The following MN1 variants were observed in gnomAD, a reference collection of about 807,000 sequenced individuals.
MN1 encodes MN1 proto-oncogene, transcriptional regulator.
Under a neutral mutation model 86.9 loss-of-function variants are expected in MN1, and 19 were observed. That is an observed-to-expected ratio of 0.22 (90% CI 0.15 to 0.32). The LOEUF is 0.32. Among genes scored for constraint, MN1 ranks in the 10% least tolerant of loss-of-function variants. MN1 has a pLI of 1.00. For missense variants in MN1, 1,841 were observed against 1,862.0 expected, an observed-to-expected ratio of 0.99 and a Z score of 0.21; for synonymous variants, 928 against 849.6, an observed-to-expected ratio of 1.09 and a Z score of -1.60.
intron 1 of MN1, among the ~76,000 whole-genome samples, chr22:27,789,293 G>A (rs1021816837): frequency 6.6e-6 from 1 of 152,130 alleles, no homozygotes; most frequent in Non-Finnish European, 1.5e-5. Context: ...TCCGCCAAGG[G>A]GTCTCCCTGT....
chr22:27,781,313 G>A (rs1351579023), intron 1 of MN1, among the ~76,000 whole-genome samples: 1 of 152,192 alleles, frequency 6.6e-6, no homozygotes, highest in Admixed American at 6.5e-5. Context: ...ATTTGGGCCT[G>A]GAAAGGAGAG....
At chr22:27,773,785 T>C (rs1050232742) in intron 1 of MN1, among the ~76,000 whole-genome samples, 2 of 152,160 alleles carry the variant, frequency 1.3e-5, no homozygotes, top group Non-Finnish European at 2.9e-5. Context: ...GCCTCCCGAA[T>C]ACTGAGGCAC....
intron 1 of MN1, among the ~76,000 whole-genome samples, chr22:27,777,777 G>A (rs115107386): frequency 0.022 from 3,291 of 151,806 alleles, 103 homozygotes; most frequent in African/African-American, 0.075. Flanking sequence ...CAGGGAGGCT[G>A]AGGCAAGAGA....
chr22:27,758,921 GCT>G (rs1932817334), intron 1 of MN1, among the ~76,000 whole-genome samples: 1 of 152,144 alleles, frequency 6.6e-6, no homozygotes, highest in Non-Finnish European at 1.5e-5. Flanking sequence ...TGCCTCCCAG[GCT>G]CAAGCAATAC....
chr22:27,798,022 GC>G lies in MN1; in HGVS notation c.2521del (p.Ala841ProfsTer6). The G allele has an allele frequency of 6.2e-7, 1 of 1,606,264 alleles. No homozygotes were observed. Among genetic ancestry groups the G allele is most frequent in the East Asian group, 2.2e-5 (1 of 44,838 alleles). On this transcript the variant is annotated frameshift_variant, in exon 1 of 2. Transcript: ENST00000302326. LOFTEE classifies it high-confidence loss of function. Reference sequence around the variant, plus strand: ...GTTGAAGGTCACGTTGAGGTTGGGGGCCCCGAGGCTGGCGATCATGTTCTGG... The same window carrying G: ...GTTGAAGGTCACGTTGAGGTTGGGGGCCCGAGGCTGGCGATCATGTTCTGG... ...ACQNMIASLG[A>X]PNLNVTFNKK...
chr22:27,758,103 G>C (rs996636397), intron 1 of MN1, among the ~76,000 whole-genome samples: 25 of 152,018 alleles, frequency 1.6e-4, no homozygotes, highest in African/African-American at 5.8e-4. Flanking sequence ...GCACCAACCA[G>C]AGCAGGCCTC....
Position 27,798,954 on chromosome 22 carries a change from C to T in MN1, c.1590G>A (p.Gln530=), listed in dbSNP as rs1265150438. 6.3e-7 allele frequency: 1 copy of T among 1,586,778 alleles called. No individual in the cohort carries two copies. The highest frequency in any genetic ancestry group is 1.3e-5 in the African/African-American group (1 of 74,372). The stretch of plus-strand genomic sequence containing the variant: ...GCTGCTGCTGCTGCTGTTGCTGCTG[C>T]TGCTGCTGCTGCTGCTGCTGTTGCA... The part of the protein sequence containing the change: ...QSLQQQQQQQ[Q]QQQQQQQQQQ... The change falls in exon 1 of 2, where the codon CAG becomes CAA. Residue 530 remains glutamine, a synonymous_variant. Transcript: ENST00000302326.
chr22:27,798,490 C>G lies in MN1; in HGVS notation c.2054G>C (p.Arg685Thr). The G allele has an allele frequency of 6.4e-7, 1 of 1,554,482 alleles. No homozygotes were observed. The highest frequency in any genetic ancestry group is 1.2e-5 in the South Asian group (1 of 84,242). Residue 685 changes from arginine (R) to threonine (T), a missense_variant, in exon 1 of 2, where the codon AGG becomes ACG. By Grantham distance (71) the Arg-to-Thr change is moderately conservative. Coordinates refer to ENST00000302326, the MANE Select transcript of MN1 (RefSeq NM_002430.3). ...LFRGPLQEPMRMPGEGHVPAL... is the reference protein window; with the variant it reads ...LFRGPLQEPMTMPGEGHVPAL... ...GGGCACGTGGCCCTCTCCGGGCATC[C>G]TCATCGGCTCCTGCAGAGGGCCCCG... is the stretch of plus-strand genomic sequence containing the variant.
chr22:27,781,838 G>A (rs1933057710), intron 1 of MN1, among the ~76,000 whole-genome samples: 2 of 151,998 alleles, frequency 1.3e-5, no homozygotes, highest in South Asian at 2.1e-4. Context: ...GGGCAGGGAC[G>A]CTCATTCACT....
intron 1 of MN1, among the ~76,000 whole-genome samples, chr22:27,757,567 C>G (rs1932809409): frequency 6.6e-6 from 1 of 152,180 alleles, no homozygotes; most frequent in Admixed American, 6.5e-5. Flanking sequence ...GACTCTCGCC[C>G]AACTCACCCT....
At position 27,800,615 on chromosome 22, in the gene MN1, A is replaced by G. The variant is rs1933418293; in HGVS notation, c.-72T>C. ...CTCCGCGGCGCGCCTCCGGCCAGCT[A>G]CTCGTTCCAGCCCAGGATTGGGCGC... On this transcript the variant is annotated 5_prime_UTR_variant, in exon 1 of 2. Coordinates refer to ENST00000302326, the MANE Select transcript of MN1 (RefSeq NM_002430.3). 6.2e-7 allele frequency: 1 copy of G among 1,601,474 alleles called. No individual in the cohort carries two copies. Among genetic ancestry groups the G allele is most frequent in the African/African-American group, 1.3e-5 (1 of 74,822 alleles).
chr22:27,765,655 G>A (rs549818125), intron 1 of MN1, among the ~76,000 whole-genome samples: 7 of 152,342 alleles, frequency 4.6e-5, no homozygotes, highest in Admixed American at 2.0e-4. Context: ...CCGGGCAAGC[G>A]GGAACTGAGT....
intron 1 of MN1, among the ~76,000 whole-genome samples, chr22:27,758,951 A>G (rs1932817508): frequency 6.6e-6 from 1 of 152,078 alleles, no homozygotes; most frequent in South Asian, 2.1e-4. Context: ...TCAGCCTCCC[A>G]AGTAGCTGGG....
rs569061708 is a variant in MN1 at position 27,756,374 on chromosome 22, G to A, written c.3782-5278C>T. Among the ~76,000 whole-genome samples, 4 of 152,214 alleles carry A rather than the reference G, an allele frequency of 2.6e-5. No homozygotes were observed. The East Asian group carries it at 5.8e-4, about 22-fold the overall frequency. On this transcript the variant is annotated intron_variant, in intron 1 of 1. Coordinates refer to ENST00000302326, the MANE Select transcript of MN1 (RefSeq NM_002430.3). ...TGGGTGAGCCACGTGCTCAGGCGTC[G>A]TGAGCCGGGCGGAGGTGGCTGCCAC...
intron 1 of MN1, among the ~76,000 whole-genome samples, chr22:27,768,301 C>T (rs573087287): frequency 6.6e-6 from 1 of 152,310 alleles, no homozygotes; most frequent in Non-Finnish European, 1.5e-5. Flanking sequence ...AGCCAGGTCT[C>T]ACCCACTTAC....
intron 1 of MN1, among the ~76,000 whole-genome samples, chr22:27,772,468 T>A (rs1263505211): frequency 6.6e-6 from 1 of 152,134 alleles, no homozygotes; most frequent in Non-Finnish European, 1.5e-5. Context: ...AGGCAACAAG[T>A]GTGACGAAGT....
In MN1 at chr22:27,797,758, C is replaced by T. The variant is rs1933328371; in HGVS notation, c.2786G>A (p.Gly929Glu). ...CCCGGAGACCGGCTTGCCGTCATTCCCCGACGTGGATTCCAGGGTGTAGTT... is the reference window on the plus strand; with the variant it reads ...CCCGGAGACCGGCTTGCCGTCATTCTCCGACGTGGATTCCAGGGTGTAGTT... ...SPNYTLESTSGNDGKPVSGGG... is the reference protein window; with the variant it reads ...SPNYTLESTSENDGKPVSGGG... The change falls in exon 1 of 2, where the codon GGG becomes GAG. Residue 929 changes from glycine (G) to glutamate (E), a missense_variant. Transcript: ENST00000302326. The T allele has an allele frequency of 6.2e-7, 1 of 1,608,328 alleles. No homozygotes were observed. Among genetic ancestry groups the T allele is most frequent in the Non-Finnish European group, 8.5e-7 (1 of 1,178,498 alleles).
rs1932718188 is a variant in MN1 at position 27,748,424 on chromosome 22, TCA to T, written c.*2489_*2490del. The T allele has an allele frequency of 1.1e-5, 2 of 189,500 alleles. No homozygotes were observed. Among genetic ancestry groups the T allele is most frequent in the South Asian group, 1.9e-4 (1 of 5,144 alleles). 11.7% of individuals were successfully genotyped at this position (189,500 alleles called of 1,614,324 possible). On this transcript the variant is annotated 3_prime_UTR_variant, in exon 2 of 2. Coordinates refer to ENST00000302326, the MANE Select transcript of MN1 (RefSeq NM_002430.3). ...TAACACTCAATTTCATGAGCTATTG[TCA>T]CAGTCTTCCAACCAAGCATTTCAGA...
chr22:27,769,275 T>G (rs1168958287), intron 1 of MN1, among the ~76,000 whole-genome samples: 1 of 152,200 alleles, frequency 6.6e-6, no homozygotes, highest in Non-Finnish European at 1.5e-5. Context: ...GATTAGCACT[T>G]GATATTGAAT....
Sources: allele counts gnomAD v4.1 joint callset (sites outside exome capture counted in the v4.1 genomes callset), GRCh38; gene constraint gnomAD v4.1.1; transcripts MANE v1.5; gene names NCBI Gene and HGNC (gene_info 2026-07-23, HGNC 2026-07-21).